Variants in ESR2 observed in about 807,000 individuals in gnomAD.
ESR2 encodes estrogen receptor 2.
ESR2 carries 36 observed loss-of-function variants against 49.6 expected under a neutral mutation model. The ratio of observed to expected loss-of-function variants is 0.73; its 90% CI spans 0.56 to 0.96. ESR2 has a LOEUF of 0.96. Among genes scored for constraint, ESR2 ranks in the 40% least tolerant of loss-of-function variants. The probability of loss-of-function intolerance (pLI) is 0.00; values close to 1 mark genes in which losing one functional copy is unlikely to be tolerated. For synonymous variants in ESR2, 320 were observed against 266.1 expected (o/e 1.20, Z -1.97); for missense variants, 714 against 693.0 (o/e 1.03, Z -0.34).
chr14:64,266,914 C>T (rs1301513053), intron 4 of ESR2, among the ~76,000 whole-genome samples: 5 of 152,208 alleles, frequency 3.3e-5, no homozygotes, highest in Non-Finnish European at 5.9e-5. Flanking sequence ...CAGAGTCTCA[C>T]TCTGTCACCA....
At chr14:64,292,751 A>G (rs1429013170) in intron 1 of ESR2, among the ~76,000 whole-genome samples, 2 of 152,220 alleles carry the variant, frequency 1.3e-5, no homozygotes, top group Non-Finnish European at 2.9e-5. Flanking sequence ...TATTCTTAAA[A>G]GTGAACATAT....
chr14:64,312,752 CA>C (rs2077200479), intron 1 of ESR2, among the ~76,000 whole-genome samples: 1 of 151,670 alleles, frequency 6.6e-6, no homozygotes, highest in South Asian at 2.1e-4. Context: ...ACTAAAAATA[CA>C]AAAAAATTAT....
intron 1 of ESR2, among the ~76,000 whole-genome samples, chr14:64,308,240 C>A (rs2077135511): frequency 6.6e-6 from 1 of 151,966 alleles, no homozygotes; most frequent in South Asian, 2.1e-4. Flanking sequence ...GTCTTGAACT[C>A]CTGAGCTCAA....
upstream of ESR2, among the ~76,000 whole-genome samples, chr14:64,298,939 G>C (rs1003529981): frequency 4.0e-5 from 6 of 149,730 alleles, no homozygotes; most frequent in Non-Finnish European, 7.4e-5. Context: ...TCTTGAGCTA[G>C]AAGAGAAACT....
chr14:64,271,109 TC>T (rs1247345698), intron 3 of ESR2, among the ~76,000 whole-genome samples: 1 of 152,022 alleles, frequency 6.6e-6, no homozygotes, highest in Non-Finnish European at 1.5e-5. Flanking sequence ...TGATTTATCA[TC>T]TTTTTTTTTT....
Position 64,275,226 on chromosome 14 carries a change from G to C in ESR2, c.535+4755C>G, listed in dbSNP as rs191580994. On this transcript the variant is annotated intron_variant, in intron 3 of 8. Coordinates refer to ENST00000341099, the MANE Select transcript of ESR2 (RefSeq NM_001437.3). ...TGTCCAGCTATTACCATATCAGTCT[G>C]TCTCTCTCTTTAGCTCTAATAATAT... Among the ~76,000 whole-genome samples the C allele has an allele frequency of 5.9e-5, 9 of 152,250 alleles. No homozygotes were observed. The East Asian group carries it at 1.7e-3, about 29-fold the overall frequency.
In ESR2 at chr14:64,257,283, C is replaced by T. The variant is rs2076122119; in HGVS notation, c.1034G>A (p.Trp345Ter). 6.2e-7 allele frequency: 1 copy of T among 1,614,002 alleles called. No homozygotes were observed. The highest frequency in any genetic ancestry group is 8.5e-7 in the Non-Finnish European group (1 of 1,180,034). ...WMEVLMMGLM[W>*]RSIDHPGKLI... Reference sequence around the variant, plus strand: ...CTTGCCGGGGTGGTCAATTGAGCGCCACATCAGCCCCATCATTAACACCTC... The same window carrying T: ...CTTGCCGGGGTGGTCAATTGAGCGCTACATCAGCCCCATCATTAACACCTC... The change falls in exon 6 of 9, where the codon TGG becomes TAG. Residue 345 changes from tryptophan (W) to a stop codon, truncating the protein, a stop_gained. Transcript: ENST00000341099. LOFTEE classifies it high-confidence loss of function.
chr14:64,324,931 T>C (rs2077370390), intron 1 of ESR2, among the ~76,000 whole-genome samples: 1 of 152,202 alleles, frequency 6.6e-6, no homozygotes, highest in South Asian at 2.1e-4. Flanking sequence ...AATTATAGAC[T>C]TCTGTTAATA....
intron 1 of ESR2, among the ~76,000 whole-genome samples, chr14:64,327,165 T>C (rs1401938319): frequency 6.6e-6 from 1 of 152,234 alleles, no homozygotes; most frequent in African/African-American, 2.4e-5. Context: ...AAACCAGATA[T>C]ACCTTGTGTC....
At chr14:64,274,285 C>T (rs910385490) in intron 3 of ESR2, among the ~76,000 whole-genome samples, 17 of 152,070 alleles carry the variant, frequency 1.1e-4, no homozygotes, top group Non-Finnish European at 2.5e-4. Flanking sequence ...AATCTTGTTA[C>T]TTGTTACTGG....
chr14:64,329,612 CAAA>C (rs961104641), intron 1 of ESR2: 9 of 94,670 alleles, frequency 9.5e-5, no homozygotes, highest in Non-Finnish European at 1.7e-4. Flanking sequence ...CTGCCTCTAT[CAAA>C]AAAAAAGAAA....
chr14:64,293,900 G>A (rs2076911945), intron 1 of ESR2, 133 bp downstream of exon 1: 1 of 152,244 alleles, frequency 6.6e-6, no homozygotes. Flanking sequence ...CAACTTTCCA[G>A]TAGCTTTCAG....
At chr14:64,270,692 T>G (rs1039949277) in intron 3 of ESR2, among the ~76,000 whole-genome samples, 2 of 152,190 alleles carry the variant, frequency 1.3e-5, no homozygotes, top group Non-Finnish European at 2.9e-5. Flanking sequence ...GTATTTTTAG[T>G]AGAGACGGGG....
At chr14:64,303,424 TGA>T (rs2140870139) in intron 1 of ESR2, 1 of 150,368 alleles carries the variant, frequency 6.7e-6, no homozygotes, top group East Asian at 2.0e-4. Flanking sequence ...AGCACATCAC[TGA>T]GTCAGGGTCA....
At chr14:64,312,130 A>G (rs918707302) in intron 1 of ESR2, among the ~76,000 whole-genome samples, 1 of 152,208 alleles carries the variant, frequency 6.6e-6, no homozygotes, top group Non-Finnish European at 1.5e-5. Flanking sequence ...CAAACTGGTA[A>G]AATGACATCA....
At chr14:64,295,491 C>T (rs2076945002), upstream of ESR2, among the ~76,000 whole-genome samples, 1 of 152,202 alleles carries the variant, frequency 6.6e-6, no homozygotes, top group Non-Finnish European at 1.5e-5. Flanking sequence ...GAAAAGTCTC[C>T]ACTGCCCCAC....
chr14:64,232,788 G>A lies in ESR2; in HGVS notation c.*349C>T, dbSNP rs1004292997. The A allele has an allele frequency of 1.6e-4, 32 of 202,714 alleles. No individual in the cohort carries two copies. The highest frequency in any genetic ancestry group is 1.3e-3 in the South Asian group (9 of 6,686). The allele number at this position is 202,714 out of a possible 1,614,324, so 12.6% of individuals were successfully genotyped here. ...TCACTTCCTCTCCCCTTTCTGATTC[G>A]CAGCCCTTCCAAGTCAGATTTCCAC... On this transcript the variant is annotated 3_prime_UTR_variant, in exon 9 of 9. Transcript: ENST00000341099.
chr14:64,309,333 CG>C (rs2077154232), intron 1 of ESR2, among the ~76,000 whole-genome samples: 1 of 152,092 alleles, frequency 6.6e-6, no homozygotes, highest in Non-Finnish European at 1.5e-5. Flanking sequence ...AATCTTAGGC[CG>C]GGTGCAGTGG....
chr14:64,288,750 G>T (rs989731458), intron 1 of ESR2, among the ~76,000 whole-genome samples: 1 of 151,540 alleles, frequency 6.6e-6, no homozygotes, highest in African/African-American at 2.4e-5. Context: ...ACTTTGAGAG[G>T]CCAAGGTGGG....
Sources: gnomAD v4.1 joint callset for allele counts (sites outside exome capture counted in the v4.1 genomes callset) on GRCh38, gnomAD v4.1.1 for gene constraint, MANE v1.5 for transcripts, NCBI Gene and HGNC (gene_info 2026-07-23, HGNC 2026-07-21) for gene names.